The following NAV3 variants were observed in gnomAD, a reference collection of about 807,000 sequenced individuals.
NAV3 encodes pore membrane and/or filament interacting like protein 1.
NAV3 carries 87 observed loss-of-function variants against 244.7 expected under a neutral mutation model. The ratio of observed to expected loss-of-function variants is 0.36; its 90% CI spans 0.30 to 0.42. The LOEUF (loss-of-function observed/expected upper bound fraction) is 0.42, where lower values mean the gene tolerates loss of function less well. Ranked by LOEUF, NAV3 falls within the 20% of genes least tolerant of loss-of-function variation. The pLI, the probability that NAV3 is intolerant of heterozygous loss-of-function variation, is 1.00. For synonymous variants in NAV3, 1,126 were observed against 1,042.2 expected (o/e 1.08, Z -1.55); for missense variants, 2,663 against 2,893.3 (o/e 0.92, Z 1.83).
intron 7 of NAV3, among the ~76,000 whole-genome samples, chr12:78,000,984 A>G (rs1468003410): frequency 6.6e-6 from 1 of 151,714 alleles, no homozygotes; most frequent in African/African-American, 2.4e-5. Flanking sequence ...TCTAAAAAAA[A>G]AAAAAAAATT....
intron 5 of NAV3, among the ~76,000 whole-genome samples, chr12:77,993,771 A>G (rs1871847971): frequency 1.3e-5 from 2 of 152,114 alleles, no homozygotes; most frequent in Admixed American, 1.3e-4. Flanking sequence ...AAGTGATCCC[A>G]CCCTGATTCC....
chr12:78,118,126 G>A lies in NAV3; in HGVS notation c.2869G>A (p.Ala957Thr), dbSNP rs1249289887. The A allele has an allele frequency of 8.7e-6, 14 of 1,613,974 alleles. No homozygotes were observed. In the African/African-American group the frequency reaches 1.6e-4, roughly 18 times the overall value. The stretch of plus-strand genomic sequence containing the variant: ...AGAAGATTTTGACAGCCATGGGGAT[G>A]CTGGTGGCAAGTGGAAGACTGTGTC... ...PEEDFDSHGD[A>T]GGKWKTVSSG... The change falls in exon 14 of 40, where the codon GCT becomes ACT. Residue 957 changes from alanine (A) to threonine (T), a missense_variant. This residue lies in a region of NAV3 where 1,521 missense variants were observed against 1,497.0 expected (regional missense o/e 1.02). Coordinates refer to ENST00000397909, the MANE Select transcript of NAV3 (RefSeq NM_001024383.2).
At chr12:78,143,289 G>C (rs2139124956) in intron 20 of NAV3, 3 of 447,098 alleles carry the variant, frequency 6.7e-6, no homozygotes, top group Non-Finnish European at 1.3e-5. Flanking sequence ...AGCCTAACCT[G>C]ATCTGCAGAG....
chr12:78,206,854 C>CTTTTTTTTTTTTTT (rs10594185), intron 39 of NAV3, among the ~76,000 whole-genome samples: 9 of 114,840 alleles, frequency 7.8e-5, no homozygotes, highest in Non-Finnish European at 1.1e-4. Flanking sequence ...TTCTTTCTTA[C>CTTTTTTTTTTTTTT]TTTTTTTTTT....
intron 12 of NAV3, among the ~76,000 whole-genome samples, chr12:78,075,070 G>A (rs916175803): frequency 2.3e-4 from 35 of 152,118 alleles, no homozygotes; most frequent in Admixed American, 2.3e-3. Context: ...TGTAATCCTG[G>A]CAACCTGGTG....
rs74376651 is a variant in NAV3 at position 77,864,188 on chromosome 12, C to A, written c.243+32484C>A. On this transcript the variant is annotated intron_variant, in intron 1 of 39. Transcript: ENST00000397909. Reference sequence around the variant, plus strand: ...TTCCTTCACCCCTTATTTATATTTTCTTTCTTTTTCTTTCCATTTTCAGTC... The same window carrying A: ...TTCCTTCACCCCTTATTTATATTTTATTTCTTTTTCTTTCCATTTTCAGTC... Among the ~76,000 whole-genome samples the A allele has an allele frequency of 2.9e-3, 437 of 151,850 alleles. 6 individuals carry two copies. In the East Asian group the frequency reaches 0.053, roughly 18 times the overall value.
At chr12:78,001,936 GACACC>G in intron 7 of NAV3, among the ~76,000 whole-genome samples, 1 of 152,296 alleles carries the variant, frequency 6.6e-6, no homozygotes, top group Admixed American at 6.5e-5. Context: ...AATACACTCT[GACACC>G]AGCATTTGTC....
At chr12:77,998,065 A>T (rs1413530773) in intron 6 of NAV3, among the ~76,000 whole-genome samples, 1 of 152,196 alleles carries the variant, frequency 6.6e-6, no homozygotes, top group African/African-American at 2.4e-5. Flanking sequence ...TTCATCAGGG[A>T]TGGGGTGAGT....
At chr12:78,117,978 T>C in intron 13 of NAV3, 49 bp from the exon 14 acceptor site, 1 of 1,493,784 alleles carries the variant, frequency 6.7e-7, no homozygotes, top group African/African-American at 1.4e-5. Flanking sequence ...TAATTCATAC[T>C]TTATAAATTT....
chr12:78,127,107 A>T (rs1302475912), intron 16 of NAV3, 60 bp from the exon 17 acceptor site: 2 of 1,539,450 alleles, frequency 1.3e-6, no homozygotes, highest in South Asian at 1.1e-5. Flanking sequence ...TTTTTGTTGG[A>T]TGTGTAATTT....
chr12:77,985,417 T>C (rs990105790), intron 5 of NAV3, among the ~76,000 whole-genome samples: 5 of 152,182 alleles, frequency 3.3e-5, no homozygotes, highest in Admixed American at 6.5e-5. Flanking sequence ...GCTTTCTTAT[T>C]TATTCATTAA....
At chr12:77,912,726 G>T (rs1458763882) in intron 1 of NAV3, among the ~76,000 whole-genome samples, 2 of 152,010 alleles carry the variant, frequency 1.3e-5, no homozygotes, top group African/African-American at 4.8e-5. Flanking sequence ...TGCCTCCCGG[G>T]TTCAAGCATT....
chr12:77,610,991 A>G (rs2136819076), intron 2 of NAV3, among the ~76,000 whole-genome samples: 1 of 148,244 alleles, frequency 6.7e-6, no homozygotes, highest in East Asian at 2.0e-4. Flanking sequence ...GAAAACCTCC[A>G]TTAGAAAAAA....
rs1235321865 is a variant in NAV3, at chr12:78,211,568, C to T, written c.*1051C>T. ...CTATCCTCCAAAATATTAAAATAAC[C>T]CAGAAATGCTCTTTGACCGTCACTT... On this transcript the variant is annotated 3_prime_UTR_variant, in exon 40 of 40. Transcript: ENST00000397909. 1 of 151,644 alleles carries T rather than the reference C, an allele frequency of 6.6e-6. No homozygotes were observed. Among genetic ancestry groups the T allele is most frequent in the African/African-American group, 2.4e-5 (1 of 41,158 alleles). 9.4% of individuals were successfully genotyped at this position (151,644 alleles called of 1,614,324 possible). A position where few individuals can be genotyped will look rare whatever the true frequency, so the allele number is the denominator to read the frequency against.
Position 77,918,445 on chromosome 12 carries a change from AG to A in NAV3, c.244-21873del, listed in dbSNP as rs1344152440. 2.6e-5 allele frequency among the ~76,000 whole-genome samples: 4 copies of A among 152,222 alleles called. No homozygotes were observed. The East Asian group carries it at 7.7e-4, about 29-fold the overall frequency. ...TGATTTTCTTAGCACACCCACACCTAGCATAGTTATTGGAAAATGTATCAGG... is the reference window on the plus strand; with the variant it reads ...TGATTTTCTTAGCACACCCACACCTACATAGTTATTGGAAAATGTATCAGG... On this transcript the variant is annotated intron_variant, in intron 1 of 39. Transcript: ENST00000397909.
At chr12:78,061,781 A>C (rs968506670) in intron 12 of NAV3, among the ~76,000 whole-genome samples, 1 of 152,084 alleles carries the variant, frequency 6.6e-6, no homozygotes, top group Non-Finnish European at 1.5e-5. Context: ...AGGCAAGAAC[A>C]GATATAAGAT....
intron 5 of NAV3, among the ~76,000 whole-genome samples, chr12:77,984,251 T>G (rs1240361523): frequency 6.6e-6 from 1 of 152,218 alleles, no homozygotes; most frequent in Non-Finnish European, 1.5e-5. Context: ...AAAGTAATTT[T>G]AAACTGAGAG....
At chr12:77,758,333 A>C (rs1207909666) in intron 2 of NAV3, among the ~76,000 whole-genome samples, 2 of 152,190 alleles carry the variant, frequency 1.3e-5, no homozygotes, top group Non-Finnish European at 2.9e-5. Flanking sequence ...AAAAAAAAAC[A>C]GAGACTATTT....
At chr12:77,713,741 A>C (rs1310341256) in intron 2 of NAV3, among the ~76,000 whole-genome samples, 4 of 152,122 alleles carry the variant, frequency 2.6e-5, no homozygotes, top group African/African-American at 9.7e-5. Context: ...ATGTACCAGC[A>C]AGAACTGAAA....
Sources: gnomAD v4.1 joint callset for allele counts (sites outside exome capture counted in the v4.1 genomes callset) on GRCh38, gnomAD v4.1.1 for gene constraint, gnomAD v4.1.1 regional missense constraint, MANE v1.5 for transcripts, NCBI Gene and HGNC (gene_info 2026-07-23, HGNC 2026-07-21) for gene names.